Variants in PCDHGA8 observed in about 807,000 individuals in gnomAD.
PCDHGA8 encodes protocadherin gamma-A8.
PCDHGA8 carries 45 observed loss-of-function variants against 59.2 expected under a neutral mutation model. That is an observed-to-expected ratio of 0.76 (90% CI 0.60 to 0.98). PCDHGA8 has a LOEUF of 0.98. Ranked by LOEUF, PCDHGA8 falls within the 50% of genes least tolerant of loss-of-function variation. PCDHGA8 has a pLI of 0.00. For missense variants in PCDHGA8, 1,257 were observed against 1,196.2 expected (o/e 1.05, Z -0.75); for synonymous variants, 531 against 519.0 (o/e 1.02, Z -0.32).
chr5:141,454,917 C>T (rs1185153715), intron 1 of PCDHGA8, among the ~76,000 whole-genome samples: 1 of 149,330 alleles, frequency 6.7e-6, no homozygotes, highest in Non-Finnish European at 1.5e-5. Flanking sequence ...ACGCCATTCT[C>T]CTGCCTCAGC....
At position 141,457,403 on chromosome 5, in the gene PCDHGA8, C is replaced by A. The variant is rs550748216; in HGVS notation, c.2425-37404C>A. On this transcript the variant is annotated intron_variant, in intron 1 of 3. Transcript: ENST00000398604. ...GAACTAGCATATTGATTCACATTTT[C>A]ACATTACCCATCCCTTTTTCCCCCC... Among the ~76,000 whole-genome samples, 4 of 152,328 alleles carry A rather than the reference C, an allele frequency of 2.6e-5. No homozygotes were observed. In the East Asian group the frequency reaches 7.7e-4, roughly 29 times the overall value.
chr5:141,478,364 G>A (rs1382073187), intron 1 of PCDHGA8: 2 of 1,613,660 alleles, frequency 1.2e-6, no homozygotes, highest in African/African-American at 2.7e-5. Flanking sequence ...CGTGCGGGGA[G>A]GCCTGATGTC....
rs1214853229 is a variant in PCDHGA8 at position 141,432,238 on chromosome 5, GAA to G, written c.2424+37002_2424+37003del. ...CCCAGATCACTTATTCCCTGGCTGA[GAA>G]CACCATCCAAGGGGCAAGCCTATCG... On this transcript the variant is annotated intron_variant, in intron 1 of 3. Coordinates refer to ENST00000398604, the MANE Select transcript of PCDHGA8 (RefSeq NM_032088.2). The surrounding 1 kb of genome is among the most constrained non-coding windows in gnomAD (Gnocchi z 6.0). 1 of 1,614,216 alleles carries G rather than the reference GAA, an allele frequency of 6.2e-7. No homozygotes were observed. The highest frequency in any genetic ancestry group is 2.2e-5 in the East Asian group (1 of 44,882).
At chr5:141,409,786 C>A in intron 1 of PCDHGA8, 11 of 1,612,124 alleles carry the variant, frequency 6.8e-6, no homozygotes, top group Non-Finnish European at 9.3e-6. Flanking sequence ...TGCGCGCCTT[C>A]GCGCTCACGC....
rs1379037065 is a variant in PCDHGA8, at chr5:141,393,996, G to C, written c.1183G>C (p.Glu395Gln). 3.1e-6 allele frequency: 5 copies of C among 1,613,290 alleles called. No individual in the cohort carries two copies. The highest frequency in any genetic ancestry group is 2.2e-5 in the East Asian group (1 of 44,882). ...ACGTGATAATTTACCTTTTAAATTA[G>C]AAAAGTCAATAGGTAATTATTATAG... ...YTRDNLPFKL[E>Q]KSIGNYYRLV... The change falls in exon 1 of 4, where the codon GAA (glutamate) becomes CAA (glutamine). Residue 395 changes from glutamate to glutamine, a missense_variant. Glu to Gln is a conservative substitution (Grantham distance 29, BLOSUM62 2). Coordinates refer to ENST00000398604, the MANE Select transcript of PCDHGA8 (RefSeq NM_032088.2).
intron 2 of PCDHGA8, among the ~76,000 whole-genome samples, chr5:141,500,125 T>C (rs1367341826): frequency 2.0e-5 from 3 of 151,970 alleles, no homozygotes; most frequent in African/African-American, 4.8e-5. Flanking sequence ...CCTTTTCATA[T>C]ATATCTTTCT....
chr5:141,455,037 C>T (rs1251627513), intron 1 of PCDHGA8, among the ~76,000 whole-genome samples: 1 of 151,744 alleles, frequency 6.6e-6, no homozygotes, highest in Non-Finnish European at 1.5e-5. Flanking sequence ...TGGTCTCGAT[C>T]TCCTGACCTC....
In PCDHGA8 at chr5:141,394,733, G is replaced by A. The variant is rs1353984219; in HGVS notation, c.1920G>A (p.Gln640=). 6.2e-7 allele frequency: 1 copy of A among 1,613,324 alleles called. No homozygotes were observed. The highest frequency in any genetic ancestry group is 1.1e-5 in the South Asian group (1 of 91,080). The stretch of plus-strand genomic sequence containing the variant: ...TGCTGGACAGAGATGCGCTCAAGCA[G>A]AGCCTCGTGGTGGCCGTCCAGGACC... ...RALLDRDALK[Q]SLVVAVQDHG... Residue 640 remains glutamine, a synonymous_variant, in exon 1 of 4, where the codon CAG becomes CAA. Transcript: ENST00000398604.
chr5:141,484,552 G>T (rs2099597743), intron 1 of PCDHGA8, among the ~76,000 whole-genome samples: 1 of 152,138 alleles, frequency 6.6e-6, no homozygotes, highest in African/African-American at 2.4e-5. Context: ...CTAATTAGCA[G>T]TTGCTCCAAT....
chr5:141,404,641 G>C, intron 1 of PCDHGA8: 2 of 1,614,178 alleles, frequency 1.2e-6, no homozygotes, highest in Non-Finnish European at 1.7e-6. Context: ...CAGAAATCCT[G>C]TACCCTGCCC....
rs185280755 is a variant in PCDHGA8 at position 141,476,824 on chromosome 5, C to T, written c.2425-17983C>T. Reference sequence around the variant, plus strand: ...TGCCTATTCACATCAAGGTGCTGGACGCGAATGACAATGCGCCTGTCTTCA... The same window carrying T: ...TGCCTATTCACATCAAGGTGCTGGATGCGAATGACAATGCGCCTGTCTTCA... On this transcript the variant is annotated intron_variant, in intron 1 of 3. Transcript: ENST00000398604. This position sits in a 1 kb window ranked among gnomAD's most constrained non-coding sequence, Gnocchi z 7.6. 24 of 1,613,588 alleles carry T rather than the reference C, an allele frequency of 1.5e-5. No homozygotes were observed. The East Asian group carries it at 4.5e-4, about 30-fold the overall frequency.
Position 141,393,179 on chromosome 5 carries a change from A to T in PCDHGA8, c.366A>T (p.Glu122Asp), listed in dbSNP as rs375085176. 8.7e-6 allele frequency: 14 copies of T among 1,613,202 alleles called. 2 individuals are homozygous for T. In the East Asian group the frequency reaches 2.5e-4, roughly 28 times the overall value. ...GAAAACTCTTTGGGGTAGAAATAGA[A>T]ATAATTGATATTAACGATAATAACC... ...DKGKLFGVEI[E>D]IIDINDNNPK... Residue 122 changes from glutamate to aspartate, a missense_variant, in exon 1 of 4, where the codon GAA (glutamate) becomes GAT (aspartate). Coordinates refer to ENST00000398604, the MANE Select transcript of PCDHGA8 (RefSeq NM_032088.2).
intron 1 of PCDHGA8, chr5:141,415,469 C>T (rs1247738517): frequency 1.9e-6 from 3 of 1,614,208 alleles, no homozygotes; most frequent in South Asian, 2.2e-5. Flanking sequence ...TCTCTCACCG[C>T]GGACTCGCGA....
chr5:141,510,833 C>G, intron 3 of PCDHGA8, 114 bp from the exon 4 acceptor site: 2 of 1,577,796 alleles, frequency 1.3e-6, no homozygotes, highest in Admixed American at 1.7e-5. Context: ...CAGTGCTCAG[C>G]GTGGTCAAGG....
Position 141,433,407 on chromosome 5 carries a change from T to C in PCDHGA8, c.2424+38170T>C, listed in dbSNP as rs939103465. Among the ~76,000 whole-genome samples, 537 of 125,956 alleles carry C rather than the reference T, an allele frequency of 4.3e-3. 4 individuals carry two copies. Among genetic ancestry groups the C allele is most frequent in the African/African-American group, 0.016 (523 of 33,156 alleles). The allele number at this position is 125,956 out of a possible 152,430, so 82.6% of individuals were successfully genotyped here. On this transcript the variant is annotated intron_variant, in intron 1 of 3. Coordinates refer to ENST00000398604, the MANE Select transcript of PCDHGA8 (RefSeq NM_032088.2). ...TCTATCTATCTATCTATCTATCTATTACTTTCTTGTACAGACAGGAGTCTC... is the reference window on the plus strand; with the variant it reads ...TCTATCTATCTATCTATCTATCTATCACTTTCTTGTACAGACAGGAGTCTC...
intron 1 of PCDHGA8, among the ~76,000 whole-genome samples, chr5:141,481,836 G>A (rs1435746995): frequency 2.7e-5 from 4 of 150,638 alleles, no homozygotes; most frequent in Non-Finnish European, 5.9e-5. Context: ...CAGGAGAATC[G>A]CTTGATGGTG....
chr5:141,467,233 A>G (rs1009794220), intron 1 of PCDHGA8, among the ~76,000 whole-genome samples: 1 of 151,564 alleles, frequency 6.6e-6, no homozygotes, highest in South Asian at 2.1e-4. Flanking sequence ...TTGTATTTTT[A>G]GTAGAGATGG....
intron 2 of PCDHGA8, among the ~76,000 whole-genome samples, chr5:141,503,202 C>G (rs1562210201): frequency 6.6e-6 from 1 of 152,090 alleles, no homozygotes; most frequent in East Asian, 1.9e-4. Context: ...ATCAGCCTCT[C>G]AGTGCCCACC....
chr5:141,408,043 A>G, intron 1 of PCDHGA8: 1 of 1,220,238 alleles, frequency 8.2e-7, no homozygotes, highest in Non-Finnish European at 1.1e-6. Context: ...ACCAGCTCCC[A>G]CACAGAGCCT....
Sources: gnomAD v4.1 joint callset for allele counts (sites outside exome capture counted in the v4.1 genomes callset) on GRCh38, gnomAD v4.1.1 for gene constraint, Gnocchi (gnomAD v3.1) non-coding constraint, MANE v1.5 for transcripts, NCBI Gene and HGNC (gene_info 2026-07-23, HGNC 2026-07-21) for gene names.